The following KIAA1614 variants were observed in gnomAD, a reference collection of about 807,000 sequenced individuals.
The protein encoded by KIAA1614 is uncharacterized protein KIAA1614.
Under a neutral mutation model 88.7 loss-of-function variants are expected in KIAA1614, and 76 were observed. The observed-to-expected ratio is 0.86, with a 90% confidence interval of 0.71 to 1.04. KIAA1614 has a LOEUF of 1.04. Ranked by LOEUF, KIAA1614 falls within the 50% of genes least tolerant of loss-of-function variation. The pLI is 0.00. For missense variants in KIAA1614, 1,553 were observed against 1,582.5 expected (o/e 0.98, Z 0.32); for synonymous variants, 714 against 675.5 (o/e 1.06, Z -0.88).
Position 180,916,873 on chromosome 1 carries a change from C to T in KIAA1614, c.770C>T (p.Thr257Ile), listed in dbSNP as rs945376128. 2.5e-6 allele frequency: 4 copies of T among 1,614,132 alleles called. No individual in the cohort carries two copies. In the African/African-American group the frequency reaches 4.0e-5, roughly 16 times the overall value. Reference sequence around the variant, plus strand: ...GTGACAGAGGCAGATCTGGATAGCACATCCCTGACCTCCGAGGAGGTCTTT... The same window carrying T: ...GTGACAGAGGCAGATCTGGATAGCATATCCCTGACCTCCGAGGAGGTCTTT... ...GVVTEADLDS[T>I]SLTSEEVFVP... is the part of the protein sequence containing the mutation. The change falls in exon 2 of 9, where the codon ACA becomes ATA. Residue 257 changes from threonine to isoleucine, a missense_variant. Thr to Ile is a moderately conservative substitution (Grantham distance 89, BLOSUM62 -1). Coordinates refer to ENST00000367588, the MANE Select transcript of KIAA1614 (RefSeq NM_020950.2).
chr1:180,933,564 T>C (rs1457649372), intron 4 of KIAA1614, among the ~76,000 whole-genome samples: 1 of 152,152 alleles, frequency 6.6e-6, no homozygotes, highest in Admixed American at 6.5e-5. Flanking sequence ...AGAACTATGG[T>C]CCTTTCTTGG....
chr1:180,935,190 G>A lies in KIAA1614; in HGVS notation c.1281G>A (p.Thr427=), dbSNP rs903732118. 5.4e-6 allele frequency: 8 copies of A among 1,484,740 alleles called. No homozygotes were observed. Among genetic ancestry groups the A allele is most frequent in the Non-Finnish European group, 7.2e-6 (8 of 1,117,802 alleles). The allele number at this position is 1,484,740 out of a possible 1,614,324, so 92.0% of individuals were successfully genotyped here. The change falls in exon 5 of 9, where the codon ACG becomes ACA. Residue 427 remains threonine, a synonymous_variant. Transcript: ENST00000367588. This position sits in a 1 kb window ranked among gnomAD's most constrained non-coding sequence, Gnocchi z 6.1. ...GAGACAGCCTCCAGAACGGGCACAC[G>A]AGCGATTCCTCCAGCGGAGAGTCCA... The part of the protein sequence containing the change: ...ACRDSLQNGH[T]SDSSSGESSG...
rs77550702 is a variant in KIAA1614 at position 180,917,050 on chromosome 1, G to A, written c.947G>A (p.Arg316His). 1.9e-3 allele frequency: 3,087 copies of A among 1,613,714 alleles called. 2 individuals carry two copies. The highest frequency in any genetic ancestry group is 2.5e-3 in the Non-Finnish European group (2,900 of 1,180,014). ...EMLNVSGQSP[R>H]KVGTPAWTPS... ...CTCAACGTTTCTGGGCAGAGCCCCCGCAAGGTGGGAACCCCTGCCTGGACT... is the reference window on the plus strand; with the variant it reads ...CTCAACGTTTCTGGGCAGAGCCCCCACAAGGTGGGAACCCCTGCCTGGACT... Residue 316 changes from arginine (R) to histidine (H), a missense_variant, in exon 2 of 9, where the codon CGC becomes CAC. By Grantham distance (29) the Arg-to-His change is conservative (BLOSUM62 0). Coordinates refer to ENST00000367588, the MANE Select transcript of KIAA1614 (RefSeq NM_020950.2).
intron 1 of KIAA1614, among the ~76,000 whole-genome samples, chr1:180,914,745 T>TA (rs1223890899): frequency 6.6e-6 from 1 of 152,044 alleles, no homozygotes; most frequent in African/African-American, 2.4e-5. Flanking sequence ...TTTATTTATT[T>TA]TTTTTATTTT....
rs1316821159 is a variant in KIAA1614, at chr1:180,950,463, T to C, written c.*4875T>C. The C allele has an allele frequency of 1.7e-6, 2 of 1,170,298 alleles. No individual in the cohort carries two copies. The highest frequency in any genetic ancestry group is 2.4e-4 in the Middle Eastern group (1 of 4,222). 72.5% of individuals were successfully genotyped at this position (1,170,298 alleles called of 1,614,324 possible). ...GTGGCAGGGCTGGGCTTGGCTCACA[T>C]TAAGGAGCTCCTGGCCCACTCAGAG... On this transcript the variant is annotated 3_prime_UTR_variant, in exon 9 of 9. Transcript: ENST00000367588.
intron 3 of KIAA1614, among the ~76,000 whole-genome samples, chr1:180,926,214 G>A (rs889917022): frequency 6.6e-6 from 1 of 152,146 alleles, no homozygotes; most frequent in African/African-American, 2.4e-5. Context: ...CAGTGAGATG[G>A]GACAGACTCA....
Position 180,923,423 on chromosome 1 carries a change from C to T in KIAA1614, c.1062-5007C>T, listed in dbSNP as rs185526304. Among the ~76,000 whole-genome samples the T allele has an allele frequency of 2.1e-3, 323 of 152,266 alleles. 1 individual carries two copies. Among genetic ancestry groups the T allele is most frequent in the African/African-American group, 6.4e-3 (266 of 41,542 alleles). On this transcript the variant is annotated intron_variant, in intron 3 of 8. Coordinates refer to ENST00000367588, the MANE Select transcript of KIAA1614 (RefSeq NM_020950.2). ...ATTCCAAGGGTTTAGGAGCTGTGTG[C>T]CAGGTGCCAGGAGTGGGGACCAAAT...
Position 180,935,861 on chromosome 1 carries a change from G to GGGGGAGTTGAA in KIAA1614, c.1952_1953insGGGGAGTTGAA (p.Ser652GlyfsTer3). 1 of 1,613,774 alleles carries GGGGGAGTTGAA rather than the reference G, an allele frequency of 6.2e-7. No homozygotes were observed. The highest frequency in any genetic ancestry group is 8.5e-7 in the Non-Finnish European group (1 of 1,179,912). ...AGCAGCCCGCGACTGCGACTGCGGG[G>GGGGGAGTTGAA]CTCCAGGCCTCGAGGCCACAGGTGG... On this transcript the variant is annotated stop_gained and frameshift_variant, in exon 5 of 9. Transcript: ENST00000367588. LOFTEE classifies it high-confidence loss of function. The surrounding 1 kb of genome is among the most constrained non-coding windows in gnomAD (Gnocchi z 6.1).
At chr1:180,922,043 G>A (rs1309781591) in intron 3 of KIAA1614, among the ~76,000 whole-genome samples, 2 of 152,242 alleles carry the variant, frequency 1.3e-5, no homozygotes, top group Non-Finnish European at 2.9e-5. Context: ...ATCCACTTCG[G>A]AGGCTCAGGA....
intron 7 of KIAA1614, among the ~76,000 whole-genome samples, chr1:180,942,244 T>C (rs1205421307): frequency 2.6e-5 from 4 of 152,220 alleles, no homozygotes; most frequent in Non-Finnish European, 4.4e-5. Context: ...GTACGCACAA[T>C]ACATACTGAG....
intron 3 of KIAA1614, among the ~76,000 whole-genome samples, chr1:180,919,092 C>G (rs1653889269): frequency 6.6e-6 from 1 of 152,194 alleles, no homozygotes; most frequent in African/African-American, 2.4e-5. Flanking sequence ...GCTCCACCTC[C>G]TGACACCCTC....
At chr1:180,940,523 T>C (rs1280350227) in intron 6 of KIAA1614, among the ~76,000 whole-genome samples, 1 of 152,012 alleles carries the variant, frequency 6.6e-6, no homozygotes, top group African/African-American at 2.4e-5. Context: ...AAATATACAC[T>C]GAATGAATGA....
rs755392688 is a variant in KIAA1614, at chr1:180,916,234, T to C, written c.131T>C (p.Leu44Pro). ...GAGTGGAGTGGTCCTGAGCCACAGC[T>C]GGATAACGGACACCCCCCAAGACCC... ...AVEWSGPEPQ[L>P]DNGHPPRPWP... The change falls in exon 2 of 9, where the codon CTG becomes CCG. Residue 44 changes from leucine (L) to proline (P), a missense_variant. Leu to Pro is a moderately conservative substitution (Grantham distance 98). Coordinates refer to ENST00000367588, the MANE Select transcript of KIAA1614 (RefSeq NM_020950.2). 12 of 1,613,400 alleles carry C rather than the reference T, an allele frequency of 7.4e-6. No individual in the cohort carries two copies. The highest frequency in any genetic ancestry group is 1.0e-5 in the Non-Finnish European group (12 of 1,179,930).
intron 7 of KIAA1614, among the ~76,000 whole-genome samples, chr1:180,943,746 C>T (rs1654523914): frequency 6.6e-6 from 1 of 151,708 alleles, no homozygotes; most frequent in Admixed American, 6.6e-5. Context: ...CAGGGTTTCA[C>T]CATGTTGGCC....
intron 3 of KIAA1614, among the ~76,000 whole-genome samples, chr1:180,925,351 T>G (rs1444524495): frequency 6.6e-6 from 1 of 152,212 alleles, no homozygotes; most frequent in Non-Finnish European, 1.5e-5. Flanking sequence ...TACGCAAACA[T>G]GGAACAAATG....
At position 180,945,823 on chromosome 1, in the gene KIAA1614, G is replaced by A. The variant is rs11588523; in HGVS notation, c.*235G>A. 1.5e-6 allele frequency: 2 copies of A among 1,313,586 alleles called. No individual in the cohort carries two copies. The highest frequency in any genetic ancestry group is 3.1e-5 in the African/African-American group (2 of 64,550). 81.4% of individuals were successfully genotyped at this position (1,313,586 alleles called of 1,614,324 possible). A position where few individuals can be genotyped will look rare whatever the true frequency, so the allele number is the denominator to read the frequency against. On this transcript the variant is annotated 3_prime_UTR_variant, in exon 9 of 9. Coordinates refer to ENST00000367588, the MANE Select transcript of KIAA1614 (RefSeq NM_020950.2). ...ATGACATCTTGAAATTAGAAGCTTAGGCCGGGCGCAGTGGCTCATGCCTGT... is the reference window on the plus strand; with the variant it reads ...ATGACATCTTGAAATTAGAAGCTTAAGCCGGGCGCAGTGGCTCATGCCTGT...
At chr1:180,916,060 C>G (rs1388040587) in intron 1 of KIAA1614, 94 bp from the exon 2 acceptor site, 43 of 802,780 alleles carry the variant, frequency 5.4e-5, no homozygotes. Flanking sequence ...TTCATCTGGA[C>G]AGGACTCAAC....
chr1:180,944,244 G>A (rs1654532503), intron 7 of KIAA1614, 145 bp from the exon 8 acceptor site: 4 of 749,064 alleles, frequency 5.3e-6, no homozygotes, highest in Non-Finnish European at 8.6e-6. Flanking sequence ...AGTCATGGTG[G>A]TTCCTGTTGA....
intron 3 of KIAA1614, among the ~76,000 whole-genome samples, chr1:180,925,406 C>T (rs547883669): frequency 1.3e-5 from 2 of 152,350 alleles, no homozygotes; most frequent in East Asian, 3.9e-4. Flanking sequence ...CCATATTCTC[C>T]CTCTACTGGG....
Sources: allele counts gnomAD v4.1 joint callset (sites outside exome capture counted in the v4.1 genomes callset), GRCh38; gene constraint gnomAD v4.1.1; non-coding constraint Gnocchi (gnomAD v3.1); transcripts MANE v1.5; gene names NCBI Gene and HGNC (gene_info 2026-07-23, HGNC 2026-07-21).